IQSEC1: variants seen among roughly 807,000 people sequenced by gnomAD.
IQSEC1 encodes IQ motif and SEC7 domain-containing protein 1.
IQSEC1 carries 31 observed loss-of-function variants against 91.0 expected under a neutral mutation model. That is an observed-to-expected ratio of 0.34 (90% CI 0.26 to 0.46). IQSEC1 has a LOEUF of 0.46. Among genes scored for constraint, IQSEC1 ranks in the 20% least tolerant of loss-of-function variants. The probability of loss-of-function intolerance (pLI) is 1.00; values close to 1 mark genes in which losing one functional copy is unlikely to be tolerated. For synonymous variants in IQSEC1, 699 were observed against 662.6 expected, an observed-to-expected ratio of 1.05 and a Z score of -0.84; for missense variants, 1,388 against 1,575.6, an observed-to-expected ratio of 0.88 and a Z score of 2.02.
chr3:13,128,349 C>T (rs890777844), intron 2 of IQSEC1, among the ~76,000 whole-genome samples: 1 of 152,084 alleles, frequency 6.6e-6, no homozygotes, highest in African/African-American at 2.4e-5. Context: ...CCCTTTATTC[C>T]AATTTTTTTT....
chr3:13,150,683 G>C (rs1706981059), intron 2 of IQSEC1, among the ~76,000 whole-genome samples: 2 of 152,202 alleles, frequency 1.3e-5, no homozygotes, highest in Admixed American at 6.5e-5. Context: ...CTCCTCACAA[G>C]CACCTGGAGA....
chr3:13,174,321 G>T (rs563717249), intron 1 of IQSEC1, among the ~76,000 whole-genome samples: 1 of 152,262 alleles, frequency 6.6e-6, no homozygotes, highest in African/African-American at 2.4e-5. Context: ...ACTGCCCCGG[G>T]AGTCCACATT....
chr3:13,043,032 G>A (rs1704343235), intron 1 of IQSEC1, among the ~76,000 whole-genome samples: 1 of 152,302 alleles, frequency 6.6e-6, no homozygotes, highest in Admixed American at 6.5e-5. Flanking sequence ...GGCGAAGGAA[G>A]ACTGACAGGG....
At chr3:13,220,176 G>A (rs1220528724) in intron 1 of IQSEC1, among the ~76,000 whole-genome samples, 1 of 152,234 alleles carries the variant, frequency 6.6e-6, no homozygotes, top group Admixed American at 6.5e-5. Context: ...GCCTCCTGGG[G>A]CCGGCAGTGG....
intron 1 of IQSEC1, among the ~76,000 whole-genome samples, chr3:12,993,971 G>A (rs1463496326): frequency 2.0e-5 from 3 of 151,428 alleles, no homozygotes; most frequent in Non-Finnish European, 3.0e-5. Flanking sequence ...CGGAGCTGCC[G>A]CCCAGGCCGC....
intron 1 of IQSEC1, among the ~76,000 whole-genome samples, chr3:13,210,020 T>C (rs1359487871): frequency 6.6e-6 from 1 of 152,154 alleles, no homozygotes; most frequent in Non-Finnish European, 1.5e-5. Context: ...ATAGGCTCAC[T>C]GTGTGACCTT....
At chr3:12,914,571 G>C (rs1695887392) in intron 8 of IQSEC1, among the ~76,000 whole-genome samples, 1 of 152,192 alleles carries the variant, frequency 6.6e-6, no homozygotes, top group Non-Finnish European at 1.5e-5. Flanking sequence ...TCTCTTGCAG[G>C]GGAAGCTGGG....
chr3:12,899,132 G>C lies in IQSEC1; in HGVS notation c.*1851C>G, dbSNP rs1693949240. ...AAGTGCTTGGTTTGCAGATTTGCTGGTACGGTGATCTCAATGATATGACCG... is the reference window on the plus strand; with the variant it reads ...AAGTGCTTGGTTTGCAGATTTGCTGCTACGGTGATCTCAATGATATGACCG... On this transcript the variant is annotated 3_prime_UTR_variant, in exon 14 of 14. Coordinates refer to ENST00000613206, the MANE Select transcript of IQSEC1 (RefSeq NM_001134382.3). The C allele has an allele frequency of 1.9e-6, 1 of 537,764 alleles. No homozygotes were observed. Among genetic ancestry groups the C allele is most frequent in the Admixed American group, 3.3e-5 (1 of 30,764 alleles). The allele number at this position is 537,764 out of a possible 1,614,324, so 33.3% of individuals were successfully genotyped here.
At position 13,065,596 on chromosome 3, in the gene IQSEC1, G is replaced by A. The variant is rs78280314; in HGVS notation, c.23+7396C>T. On this transcript the variant is annotated intron_variant, in intron 1 of 13. Transcript: ENST00000613206. Reference sequence around the variant, plus strand: ...AAAACAGAAAGTAATGAGTGATGGCGAAGATGTGGAGAAACCAGGACCTTT... The same window carrying A: ...AAAACAGAAAGTAATGAGTGATGGCAAAGATGTGGAGAAACCAGGACCTTT... Among the ~76,000 whole-genome samples the A allele has an allele frequency of 1.9e-3, 285 of 152,342 alleles. 2 individuals carry two copies. Among genetic ancestry groups the A allele is most frequent in the African/African-American group, 6.5e-3 (272 of 41,570 alleles).
intron 1 of IQSEC1, among the ~76,000 whole-genome samples, chr3:13,215,843 G>C (rs6789825): frequency 6.6e-6 from 1 of 152,102 alleles, no homozygotes; most frequent in African/African-American, 2.4e-5. Context: ...AACGTCTCCT[G>C]TTGAGAAGGG....
intron 1 of IQSEC1, among the ~76,000 whole-genome samples, chr3:13,195,052 G>A (rs1241905008): frequency 4.6e-5 from 7 of 152,176 alleles, no homozygotes; most frequent in South Asian, 2.1e-4. Flanking sequence ...TCAAGAGGAC[G>A]ATAAGGCATG....
intron 2 of IQSEC1, among the ~76,000 whole-genome samples, chr3:13,131,154 G>A (rs1706609457): frequency 6.6e-6 from 1 of 152,102 alleles, no homozygotes; most frequent in South Asian, 2.1e-4. Flanking sequence ...TGTATTTTGA[G>A]TGTGTTCTAA....
At chr3:12,985,381 C>T (rs1420044396) in intron 1 of IQSEC1, among the ~76,000 whole-genome samples, 1 of 152,168 alleles carries the variant, frequency 6.6e-6, no homozygotes, top group Admixed American at 6.5e-5. Context: ...GGTCCCCAGG[C>T]CCCGCCCTTG....
intron 2 of IQSEC1, among the ~76,000 whole-genome samples, chr3:13,122,976 T>C (rs1470248866): frequency 1.3e-5 from 2 of 152,068 alleles, no homozygotes; most frequent in African/African-American, 4.8e-5. Flanking sequence ...TTCTGCGCCC[T>C]CCCTGCATGA....
At chr3:12,942,165 C>G (rs187158228) in intron 1 of IQSEC1, among the ~76,000 whole-genome samples, 16 of 152,360 alleles carry the variant, frequency 1.1e-4, no homozygotes, top group Admixed American at 9.8e-4. Flanking sequence ...TCCCTGAGGA[C>G]AGCAGTTTTG....
intron 2 of IQSEC1, among the ~76,000 whole-genome samples, chr3:13,138,562 TGCCAGGCTCCCG>T (rs1706748912): frequency 6.6e-6 from 1 of 152,054 alleles, no homozygotes; most frequent in Non-Finnish European, 1.5e-5. Context: ...AGTCCTATGC[TGCCAGGCTCCCG>T]GCAGCTTCGC....
At chr3:13,122,680 C>T (rs139000360) in intron 2 of IQSEC1, among the ~76,000 whole-genome samples, 71 of 152,320 alleles carry the variant, frequency 4.7e-4, no homozygotes, top group Non-Finnish European at 7.2e-4. Context: ...GGAAGGGACA[C>T]ATCCCACCTG....
At chr3:13,056,258 G>C (rs1005248960) in intron 1 of IQSEC1, among the ~76,000 whole-genome samples, 1 of 152,108 alleles carries the variant, frequency 6.6e-6, no homozygotes, top group Admixed American at 6.5e-5. Context: ...TACAGGCTTG[G>C]GGGAGGGGTG....
intron 3 of IQSEC1, among the ~76,000 whole-genome samples, chr3:12,933,293 A>T (rs760551293): frequency 2.6e-5 from 4 of 152,204 alleles, no homozygotes; most frequent in Non-Finnish European, 4.4e-5. Context: ...AAGGATCACA[A>T]CCACTGTCAC....
Sources: gnomAD v4.1 joint callset for allele counts (sites outside exome capture counted in the v4.1 genomes callset) on GRCh38, gnomAD v4.1.1 for gene constraint, MANE v1.5 for transcripts, NCBI Gene and HGNC (gene_info 2026-07-23, HGNC 2026-07-21) for gene names.